Variants in CYFIP2 observed in about 807,000 individuals in gnomAD.
CYFIP2 encodes the protein cytoplasmic FMR1-interacting protein 2.
CYFIP2 carries 29 observed loss-of-function variants against 158.7 expected under a neutral mutation model. The ratio of observed to expected loss-of-function variants is 0.18; its 90% CI spans 0.14 to 0.25. The LOEUF (loss-of-function observed/expected upper bound fraction) is 0.25. Among genes scored for constraint, CYFIP2 ranks in the 10% least tolerant of loss-of-function variants. The probability of loss-of-function intolerance (pLI) is 1.00; values close to 1 mark genes in which losing one functional copy is unlikely to be tolerated. For missense variants in CYFIP2, 852 were observed against 1,639.5 expected (o/e 0.52, Z 8.29); for synonymous variants, 585 against 617.6 (o/e 0.95, Z 0.78).
At chr5:157,357,531 T>G (rs1763495238) in intron 23 of CYFIP2, among the ~76,000 whole-genome samples, 1 of 152,158 alleles carries the variant, frequency 6.6e-6, no homozygotes, top group Admixed American at 6.5e-5. Context: ...AGAACTACAC[T>G]CAGAACTAAG....
chr5:157,369,945 G>C (rs1025472997), intron 26 of CYFIP2, among the ~76,000 whole-genome samples: 2 of 147,900 alleles, frequency 1.4e-5, no homozygotes, highest in Non-Finnish European at 3.0e-5. Flanking sequence ...GCAGTGGCGT[G>C]ATCTCGGCTC....
chr5:157,289,209 GT>G (rs1260747046), intron 3 of CYFIP2, among the ~76,000 whole-genome samples: 4 of 152,330 alleles, frequency 2.6e-5, no homozygotes, highest in East Asian at 3.9e-4. Flanking sequence ...GTCTCACACA[GT>G]TAGAATTTTA....
intron 26 of CYFIP2, among the ~76,000 whole-genome samples, chr5:157,367,472 C>T (rs1764492906): frequency 6.6e-6 from 1 of 152,174 alleles, no homozygotes; most frequent in Non-Finnish European, 1.5e-5. Flanking sequence ...ACAGCTAGTG[C>T]AGGAGTCTGG....
At chr5:157,349,782 T>A (rs1185155789) in intron 23 of CYFIP2, among the ~76,000 whole-genome samples, 4 of 152,220 alleles carry the variant, frequency 2.6e-5, no homozygotes, top group Non-Finnish European at 4.4e-5. Flanking sequence ...ACATCTATTA[T>A]TTTTTGATTT....
intron 23 of CYFIP2, among the ~76,000 whole-genome samples, chr5:157,356,114 C>T (rs879472063): frequency 2.6e-5 from 4 of 152,310 alleles, no homozygotes; most frequent in South Asian, 4.2e-4. Flanking sequence ...AGCTGAGTGA[C>T]TTGAATAACA....
chr5:157,297,727 G>A (rs575181160), intron 5 of CYFIP2, among the ~76,000 whole-genome samples: 220 of 151,950 alleles, frequency 1.4e-3, no homozygotes, highest in African/African-American at 4.9e-3. Flanking sequence ...AGCCACATGT[G>A]GGTACTTACA....
At position 157,304,376 on chromosome 5, in the gene CYFIP2, C is replaced by G; in HGVS notation, c.795+10C>G. 1 of 1,612,002 alleles carries G rather than the reference C, an allele frequency of 6.2e-7. No homozygotes were observed. The highest frequency in any genetic ancestry group is 8.5e-7 in the Non-Finnish European group (1 of 1,178,490). On this transcript the variant is annotated intron_variant, in intron 8 of 30. Coordinates refer to ENST00000620254, the MANE Select transcript of CYFIP2 (RefSeq NM_001037333.3). ...ACATATGCTCCTCAAGGTAAAACTC[C>G]CCTGAGGCCGCACCCATGGAGCCTG...
intron 1 of CYFIP2, among the ~76,000 whole-genome samples, chr5:157,281,661 C>G (rs1268067957): frequency 2.6e-5 from 4 of 152,112 alleles, no homozygotes. Flanking sequence ...TATATACATT[C>G]ATTTGTTTCA....
intron 1 of CYFIP2, among the ~76,000 whole-genome samples, chr5:157,279,558 C>A (rs1183319668): frequency 1.3e-5 from 2 of 151,796 alleles, no homozygotes; most frequent in Non-Finnish European, 2.9e-5. Flanking sequence ...TGGGGGGGCA[C>A]CTAAAGCCCC....
intron 28 of CYFIP2, chr5:157,384,089 A>G (rs954242244): frequency 1.4e-5 from 5 of 347,102 alleles, no homozygotes; most frequent in African/African-American, 1.1e-4. Context: ...TGGGAGAGAA[A>G]GAAGACTTCA....
intron 24 of CYFIP2, 79 bp from the exon 25 acceptor site, chr5:157,360,203 T>A: frequency 1.7e-6 from 2 of 1,198,754 alleles, no homozygotes; most frequent in Non-Finnish European, 2.4e-6. Context: ...TGCCCCATCC[T>A]CTCAGAGGTC....
chr5:157,325,657 C>A lies in CYFIP2; in HGVS notation c.1982+19C>A. On this transcript the variant is annotated intron_variant, in intron 17 of 30. Transcript: ENST00000620254. Reference sequence around the variant, plus strand: ...TGATGGAGTAAGAGGCAGGATTGGGCCAGCAAGTGGCTCCTGGGGTACAAG... The same window carrying A: ...TGATGGAGTAAGAGGCAGGATTGGGACAGCAAGTGGCTCCTGGGGTACAAG... 6.3e-7 allele frequency: 1 copy of A among 1,577,918 alleles called. No homozygotes were observed. The highest frequency in any genetic ancestry group is 8.6e-7 in the Non-Finnish European group (1 of 1,159,680).
At chr5:157,299,025 G>A (rs988196858) in intron 5 of CYFIP2, among the ~76,000 whole-genome samples, 11 of 152,178 alleles carry the variant, frequency 7.2e-5, no homozygotes, top group African/African-American at 2.2e-4. Flanking sequence ...AACATTGATC[G>A]TTCACGTACA....
chr5:157,385,937 G>A (rs1247599116), intron 28 of CYFIP2, among the ~76,000 whole-genome samples: 1 of 152,050 alleles, frequency 6.6e-6, no homozygotes, highest in Non-Finnish European at 1.5e-5. Flanking sequence ...ATGGATAAAA[G>A]CTATGTTAAA....
chr5:157,288,415 G>A (rs17655464), intron 3 of CYFIP2, among the ~76,000 whole-genome samples: 8,337 of 152,224 alleles, frequency 0.055, 306 homozygotes, highest in Middle Eastern at 0.14. Flanking sequence ...CCACAGCACT[G>A]TATTGGTTAT....
In CYFIP2 at chr5:157,351,422, A is replaced by T. The variant is rs141590619; in HGVS notation, c.2674-7583A>T. Among the ~76,000 whole-genome samples the T allele has an allele frequency of 2.8e-3, 433 of 152,358 alleles. 4 individuals carry two copies. Among genetic ancestry groups the T allele is most frequent in the African/African-American group, 0.01 (422 of 41,590 alleles). The stretch of plus-strand genomic sequence containing the variant: ...TTTTTAATGTATATGCTCATTGTAC[A>T]TAAATAATATTGAAAAGTTCAAAGA... On this transcript the variant is annotated intron_variant, in intron 23 of 30. Coordinates refer to ENST00000620254, the MANE Select transcript of CYFIP2 (RefSeq NM_001037333.3).
Position 157,311,285 on chromosome 5 carries a change from A to C in CYFIP2, c.993-379A>C, listed in dbSNP as rs1215724703. On this transcript the variant is annotated intron_variant, in intron 10 of 30. Transcript: ENST00000620254. This position sits in a 1 kb window ranked among gnomAD's most constrained non-coding sequence, Gnocchi z 4.7. ...TCAACCGCAGAGTGTCTGTGCTGTCAGAGTGGGTAGGCTGGTTTTGGAGGT... is the reference window on the plus strand; with the variant it reads ...TCAACCGCAGAGTGTCTGTGCTGTCCGAGTGGGTAGGCTGGTTTTGGAGGT... 1 of 369,738 alleles carries C rather than the reference A, an allele frequency of 2.7e-6. No individual in the cohort carries two copies. Among genetic ancestry groups the C allele is most frequent in the Non-Finnish European group, 5.3e-6 (1 of 189,488 alleles). The allele number at this position is 369,738 out of a possible 1,614,324, so 22.9% of individuals were successfully genotyped here. A position where few individuals can be genotyped will look rare whatever the true frequency, so the allele number is the denominator to read the frequency against.
At chr5:157,391,835 T>C (rs1767324468) in intron 30 of CYFIP2, among the ~76,000 whole-genome samples, 1 of 152,084 alleles carries the variant, frequency 6.6e-6, no homozygotes, top group Non-Finnish European at 1.5e-5. Flanking sequence ...ATGTTTAACT[T>C]TTTAGAAACT....
At chr5:157,382,700 G>T (rs137966198) in intron 27 of CYFIP2, 38 bp downstream of exon 27, 1 of 1,595,914 alleles carries the variant, frequency 6.3e-7, no homozygotes, top group Admixed American at 1.7e-5. Flanking sequence ...GCCAACTGGC[G>T]TTTGAACCTT....
Sources: gnomAD v4.1 joint callset for allele counts (sites outside exome capture counted in the v4.1 genomes callset) on GRCh38, gnomAD v4.1.1 for gene constraint, Gnocchi (gnomAD v3.1) non-coding constraint, MANE v1.5 for transcripts, NCBI Gene and HGNC (gene_info 2026-07-23, HGNC 2026-07-21) for gene names.